Variants in OSBP2 observed in about 807,000 individuals in gnomAD.
OSBP2 encodes the protein oxysterol binding protein 2, also known as oxysterol-binding protein 2.
A neutral mutation model predicts 96.0 loss-of-function variants in OSBP2; 66 were observed. The ratio of observed to expected loss-of-function variants is 0.69; its 90% CI spans 0.56 to 0.84. OSBP2 has a LOEUF of 0.84. OSBP2 is among the 40% of genes least tolerant of loss of function. The pLI, the probability that OSBP2 is intolerant of heterozygous loss-of-function variation, is 0.00. For synonymous variants in OSBP2, 525 were observed against 520.9 expected, an observed-to-expected ratio of 1.01 and a Z score of -0.11; for missense variants, 1,038 against 1,222.7, an observed-to-expected ratio of 0.85 and a Z score of 2.25.
At chr22:30,811,341 T>C (rs2091004341) in intron 2 of OSBP2, among the ~76,000 whole-genome samples, 1 of 147,364 alleles carries the variant, frequency 6.8e-6, no homozygotes, top group African/African-American at 2.5e-5. Flanking sequence ...ATTTTATTTA[T>C]TTATTTATTT....
At chr22:30,868,299 C>T (rs144043245) in intron 2 of OSBP2, among the ~76,000 whole-genome samples, 20 of 152,368 alleles carry the variant, frequency 1.3e-4, no homozygotes, top group Admixed American at 3.3e-4. Context: ...CTCTCAGAAC[C>T]TGCATTTTCT....
chr22:30,822,146 G>A (rs8137925), intron 2 of OSBP2, among the ~76,000 whole-genome samples: 33,981 of 152,226 alleles, frequency 0.22, 4,081 homozygotes, highest in East Asian at 0.35. Context: ...AGGTGACCCC[G>A]ATTTCCTGGA....
chr22:30,814,203 G>T (rs747070053), intron 2 of OSBP2, among the ~76,000 whole-genome samples: 12 of 152,010 alleles, frequency 7.9e-5, no homozygotes, highest in Admixed American at 3.3e-4. Context: ...CAGCCTCGGT[G>T]GCTTAAACAA....
At chr22:30,815,938 G>A (rs761750017) in intron 2 of OSBP2, among the ~76,000 whole-genome samples, 4 of 151,956 alleles carry the variant, frequency 2.6e-5, no homozygotes, top group African/African-American at 4.8e-5. Context: ...TGCTTCTCTC[G>A]AATTATTTCC....
intron 2 of OSBP2, among the ~76,000 whole-genome samples, chr22:30,823,470 GAC>G (rs2146984834): frequency 6.6e-6 from 1 of 152,340 alleles, no homozygotes; most frequent in African/African-American, 2.4e-5. Flanking sequence ...GGACTTAAAA[GAC>G]ACAGAGGCGG....
At chr22:30,820,683 G>T (rs964140756) in intron 2 of OSBP2, among the ~76,000 whole-genome samples, 1 of 152,216 alleles carries the variant, frequency 6.6e-6, no homozygotes, top group African/African-American at 2.4e-5. Context: ...CTGTGAGAAT[G>T]AAATGAGGAA....
At chr22:30,827,940 A>G (rs1472461064) in intron 2 of OSBP2, among the ~76,000 whole-genome samples, 1 of 152,140 alleles carries the variant, frequency 6.6e-6, no homozygotes, top group Non-Finnish European at 1.5e-5. Context: ...CACAGGCAGG[A>G]GTGGGGCCAG....
intron 1 of OSBP2, among the ~76,000 whole-genome samples, chr22:30,704,628 G>C (rs950612023): frequency 2.0e-5 from 3 of 151,664 alleles, no homozygotes; most frequent in African/African-American, 2.4e-5. Context: ...GATATTTTTG[G>C]CTAATTTTTG....
intron 2 of OSBP2, among the ~76,000 whole-genome samples, chr22:30,821,867 G>A (rs191127804): frequency 3.0e-4 from 45 of 152,338 alleles, no homozygotes; most frequent in East Asian, 1.7e-3. Flanking sequence ...AGAAATCAGC[G>A]TTCTCTGATC....
In OSBP2 at chr22:30,797,226, A is replaced by G. The variant is rs150476902; in HGVS notation, c.853+55857A>G. On this transcript the variant is annotated intron_variant, in intron 2 of 13. Coordinates refer to ENST00000332585, the MANE Select transcript of OSBP2 (RefSeq NM_030758.4). ...GTATTCCACTGTATGGATAGACTAC[A>G]TTTTGTGTCTTCCATGTTTTAGCTA... is the stretch of plus-strand genomic sequence containing the variant. 4.9e-3 allele frequency among the ~76,000 whole-genome samples: 751 copies of G among 152,278 alleles called. 5 individuals are homozygous for G. Among genetic ancestry groups the G allele is most frequent in the African/African-American group, 0.015 (631 of 41,548 alleles).
At chr22:30,825,606 G>A (rs1027053325) in intron 2 of OSBP2, among the ~76,000 whole-genome samples, 3 of 152,248 alleles carry the variant, frequency 2.0e-5, no homozygotes, top group Admixed American at 6.5e-5. Context: ...GCCTTTGTAT[G>A]TGTGCACTTA....
rs1185574611 is a variant in OSBP2, at chr22:30,906,467, T to G, written c.*128T>G. 5.8e-6 allele frequency: 7 copies of G among 1,200,232 alleles called. No homozygotes were observed. The African/African-American group carries it at 9.5e-5, about 16-fold the overall frequency. 74.3% of individuals were successfully genotyped at this position (1,200,232 alleles called of 1,614,324 possible). A position where few individuals can be genotyped will look rare whatever the true frequency, so the allele number is the denominator to read the frequency against. On this transcript the variant is annotated 3_prime_UTR_variant, in exon 14 of 14. Coordinates refer to ENST00000332585, the MANE Select transcript of OSBP2 (RefSeq NM_030758.4). ...AGCCCTTCCTATTTCCTTTCCTATT[T>G]TTTTTTTCTCCCCACACTTTCTTGG...
chr22:30,716,149 C>T (rs1412803537), intron 1 of OSBP2, among the ~76,000 whole-genome samples: 1 of 150,970 alleles, frequency 6.6e-6, no homozygotes, highest in South Asian at 2.1e-4. Context: ...TCAAGTGATT[C>T]TTCTGCCTCA....
chr22:30,776,590 A>AC (rs750037558), intron 2 of OSBP2, among the ~76,000 whole-genome samples: 10 of 148,378 alleles, frequency 6.7e-5, no homozygotes, highest in Non-Finnish European at 1.3e-4. Context: ...TTCTGTGCTC[A>AC]CTTTTTTTTT....
At chr22:30,832,938 G>A (rs1234126370) in intron 2 of OSBP2, among the ~76,000 whole-genome samples, 1 of 152,184 alleles carries the variant, frequency 6.6e-6, no homozygotes, top group Non-Finnish European at 1.5e-5. Flanking sequence ...TTTTAAAATG[G>A]CCCTTGGCTT....
At chr22:30,889,315 TG>T in intron 6 of OSBP2, 81 bp downstream of exon 6, 1 of 1,476,812 alleles carries the variant, frequency 6.8e-7, no homozygotes, top group Non-Finnish European at 9.3e-7. Context: ...CACCAAGAAC[TG>T]GGGGCCAGCA....
chr22:30,874,385 C>T (rs1418093281), intron 3 of OSBP2, among the ~76,000 whole-genome samples: 2 of 151,798 alleles, frequency 1.3e-5, no homozygotes, highest in African/African-American at 2.4e-5. Context: ...GCACTCCAGC[C>T]TGGCAACAGA....
At position 30,890,723 on chromosome 22, in the gene OSBP2, C is replaced by T; in HGVS notation, c.1624-5C>T. 6.2e-7 allele frequency: 1 copy of T among 1,611,582 alleles called. No homozygotes were observed. ...CAGCCTGACCACCCACCTGTCCACCCACAGGTGAACTTCAATGAGCCCCTG... is the reference window on the plus strand; with the variant it reads ...CAGCCTGACCACCCACCTGTCCACCTACAGGTGAACTTCAATGAGCCCCTG... On this transcript the variant is annotated splice_region_variant and splice_polypyrimidine_tract_variant and intron_variant, in intron 7 of 13. Coordinates refer to ENST00000332585, the MANE Select transcript of OSBP2 (RefSeq NM_030758.4). The surrounding 1 kb of genome is among the most constrained non-coding windows in gnomAD (Gnocchi z 4.4).
chr22:30,796,501 ATTATTTAT>A (rs562961797), intron 2 of OSBP2, among the ~76,000 whole-genome samples: 47 of 151,584 alleles, frequency 3.1e-4, no homozygotes, highest in Non-Finnish European at 5.9e-4. Flanking sequence ...ATTTTTTTTA[ATTATTTAT>A]TTATTTATTT....
Sources: allele counts gnomAD v4.1 joint callset (sites outside exome capture counted in the v4.1 genomes callset), GRCh38; gene constraint gnomAD v4.1.1; non-coding constraint Gnocchi (gnomAD v3.1); transcripts MANE v1.5; gene names NCBI Gene and HGNC (gene_info 2026-07-23, HGNC 2026-07-21).